Variants in CNTFR observed in about 807,000 individuals in gnomAD.
The protein encoded by CNTFR is ciliary neurotrophic factor receptor, also known as ciliary neurotrophic factor receptor subunit alpha.
A neutral mutation model predicts 40.4 loss-of-function variants in CNTFR; 12 were observed. The ratio of observed to expected loss-of-function variants is 0.30; its 90% CI spans 0.19 to 0.48. CNTFR has a LOEUF of 0.48. Among genes scored for constraint, CNTFR ranks in the 20% least tolerant of loss-of-function variants. CNTFR has a pLI of 0.99. For missense variants in CNTFR, 414 were observed against 506.8 expected (o/e 0.82, Z 1.76); for synonymous variants, 202 against 209.6 (o/e 0.96, Z 0.31).
upstream of CNTFR, among the ~76,000 whole-genome samples, chr9:34,590,538 C>T (rs542839982): frequency 6.6e-6 from 1 of 152,368 alleles, no homozygotes; most frequent in Admixed American, 6.5e-5. Context: ...GGGATGGACC[C>T]TGCCGGGAGC....
chr9:34,564,937 G>C, intron 3 of CNTFR, 105 bp from the exon 4 acceptor site: 2 of 901,584 alleles, frequency 2.2e-6, no homozygotes, highest in Non-Finnish European at 3.5e-6. Flanking sequence ...GATGAGTGAG[G>C]ACGAGAGGCT....
At chr9:34,569,072 G>C in intron 2 of CNTFR, 91 bp from the exon 3 acceptor site, 1 of 1,259,248 alleles carries the variant, frequency 7.9e-7, no homozygotes, top group Non-Finnish European at 1.1e-6. Flanking sequence ...GCAAGACTGG[G>C]AAATCCCAGC....
intron 7 of CNTFR, among the ~76,000 whole-genome samples, chr9:34,553,746 C>A (rs1299275132): frequency 6.6e-6 from 1 of 152,258 alleles, no homozygotes; most frequent in African/African-American, 2.4e-5. Context: ...TCCAGGCCAG[C>A]CTGCCTGTCC....
chr9:34,551,763 G>A lies in CNTFR; in HGVS notation c.*308C>T, dbSNP rs1237556158. 3.7e-5 allele frequency: 21 copies of A among 569,116 alleles called. No homozygotes were observed. Among genetic ancestry groups the A allele is most frequent in the East Asian group, 9.0e-5 (3 of 33,480 alleles). The allele number at this position is 569,116 out of a possible 1,614,324, so 35.3% of individuals were successfully genotyped here. On this transcript the variant is annotated 3_prime_UTR_variant, in exon 10 of 10. Transcript: ENST00000378980. ...ATCGGATGTGAGAGGCTCCCCTCACGTCCCCCAAGGGCTCCTGGGAGTCGC... is the reference window on the plus strand; with the variant it reads ...ATCGGATGTGAGAGGCTCCCCTCACATCCCCCAAGGGCTCCTGGGAGTCGC...
intron 4 of CNTFR, among the ~76,000 whole-genome samples, chr9:34,563,416 G>C (rs1338182373): frequency 6.6e-6 from 1 of 152,216 alleles, no homozygotes; most frequent in Admixed American, 6.5e-5. Context: ...GGCAACTCAG[G>C]TGCACGTTCT....
intron 7 of CNTFR, among the ~76,000 whole-genome samples, chr9:34,555,987 T>C (rs2132124484): frequency 7.9e-6 from 1 of 127,358 alleles, no homozygotes; most frequent in Admixed American, 8.3e-5. Context: ...TCCCTCACCA[T>C]CTCCCTCCCT....
At chr9:34,572,916 A>G (rs1266027781) in intron 2 of CNTFR, among the ~76,000 whole-genome samples, 1 of 152,234 alleles carries the variant, frequency 6.6e-6, no homozygotes, top group Non-Finnish European at 1.5e-5. Flanking sequence ...ATCGAGTCAC[A>G]CTGACGGTGA....
intron 3 of CNTFR, among the ~76,000 whole-genome samples, chr9:34,566,203 TG>T (rs1401904817): frequency 1.5e-4 from 23 of 152,080 alleles, no homozygotes; most frequent in African/African-American, 5.6e-4. Flanking sequence ...CTGGAACATC[TG>T]TCCCGGTTTG....
At position 34,552,272 on chromosome 9, in the gene CNTFR, T is replaced by C; in HGVS notation, c.1007A>G (p.Asp336Gly). ...CCCGCCGCTGCCCAGCTCCCCAGGG[T>C]CACAGATCTTCGTGGTAGGTGGGGG... is the stretch of plus-strand genomic sequence containing the variant. ...LAPPPTTKIC[D>G]PGELGSGGGP... is the part of the protein sequence containing the mutation. The change falls in exon 9 of 10, where the codon GAC becomes GGC. Residue 336 changes from aspartate to glycine, a missense_variant. Asp to Gly is a moderately conservative substitution (Grantham distance 94, BLOSUM62 -1). Transcript: ENST00000378980. The surrounding 1 kb of genome is among the most constrained non-coding windows in gnomAD (Gnocchi z 5.1). 1 of 1,548,706 alleles carries C rather than the reference T, an allele frequency of 6.5e-7. No individual in the cohort carries two copies. The highest frequency in any genetic ancestry group is 8.7e-7 in the Non-Finnish European group (1 of 1,148,484).
In CNTFR at chr9:34,558,004, G is replaced by A. The variant is rs763488495; in HGVS notation, c.320-20C>T. ...GCGGCACTGGGGGTGAGGACAGTAT[G>A]GTCAGGGCATTCTTGGAGCTCCCAG... is the stretch of plus-strand genomic sequence containing the variant. On this transcript the variant is annotated intron_variant, in intron 4 of 9. Transcript: ENST00000378980. 1 of 1,499,752 alleles carries A rather than the reference G, an allele frequency of 6.7e-7. No individual in the cohort carries two copies. The highest frequency in any genetic ancestry group is 2.3e-5 in the East Asian group (1 of 43,820). 92.9% of individuals were successfully genotyped at this position (1,499,752 alleles called of 1,614,324 possible).
intron 4 of CNTFR, among the ~76,000 whole-genome samples, chr9:34,558,293 T>G (rs1825931826): frequency 6.6e-6 from 1 of 152,158 alleles, no homozygotes; most frequent in African/African-American, 2.4e-5. Context: ...AGGTGATGTC[T>G]GGGGGAATCG....
At chr9:34,568,759 C>T (rs1291185922) in intron 3 of CNTFR, 138 bp downstream of exon 3, 7 of 735,206 alleles carry the variant, frequency 9.5e-6, no homozygotes, top group South Asian at 8.4e-5. Context: ...TGTCACATGA[C>T]TCCATGTCCC....
At chr9:34,569,664 G>T (rs1362130436) in intron 2 of CNTFR, 3 of 152,290 alleles carry the variant, frequency 2.0e-5, no homozygotes. Flanking sequence ...GTCGAGTCAG[G>T]GCAGTGGGAC....
chr9:34,559,725 C>A (rs1039922473), intron 4 of CNTFR, among the ~76,000 whole-genome samples: 3 of 151,984 alleles, frequency 2.0e-5, no homozygotes, highest in Non-Finnish European at 4.4e-5. Flanking sequence ...CGAGGTCGGC[C>A]GAGAAGCCTC....
At chr9:34,565,962 G>A (rs1826267608) in intron 3 of CNTFR, among the ~76,000 whole-genome samples, 1 of 152,004 alleles carries the variant, frequency 6.6e-6, no homozygotes, top group African/African-American at 2.4e-5. Flanking sequence ...GGGGGGCTGC[G>A]GGATCCCTCG....
At chr9:34,554,263 GCT>G (rs1353491094) in intron 7 of CNTFR, among the ~76,000 whole-genome samples, 1 of 152,122 alleles carries the variant, frequency 6.6e-6, no homozygotes, top group Admixed American at 6.5e-5. Context: ...GGCTCCTTCG[GCT>G]CTGTCTCCCT....
intron 1 of CNTFR, among the ~76,000 whole-genome samples, chr9:34,586,873 G>T (rs1827569121): frequency 6.6e-6 from 1 of 152,174 alleles, no homozygotes; most frequent in South Asian, 2.1e-4. Flanking sequence ...TCCTGTAGCA[G>T]TCTCTGTTCT....
At chr9:34,561,963 A>C (rs1333631546) in intron 4 of CNTFR, among the ~76,000 whole-genome samples, 1 of 152,328 alleles carries the variant, frequency 6.6e-6, no homozygotes, top group East Asian at 1.9e-4. Flanking sequence ...TCTATATAAA[A>C]GGTCTGGGCC....
chr9:34,563,938 G>A (rs758193637), intron 4 of CNTFR, among the ~76,000 whole-genome samples: 5 of 152,116 alleles, frequency 3.3e-5, no homozygotes, highest in Non-Finnish European at 5.9e-5. Flanking sequence ...TGCCCAGCTT[G>A]CAGGATCATG....
Sources: allele counts gnomAD v4.1 joint callset (sites outside exome capture counted in the v4.1 genomes callset), GRCh38; gene constraint gnomAD v4.1.1; non-coding constraint Gnocchi (gnomAD v3.1); transcripts MANE v1.5; gene names NCBI Gene and HGNC (gene_info 2026-07-23, HGNC 2026-07-21).